Variants in COL26A1 observed in about 807,000 individuals in gnomAD.
COL26A1 encodes the protein collagen type XXVI alpha 1 chain.
Under a neutral mutation model 59.3 loss-of-function variants are expected in COL26A1, and 41 were observed. That is an observed-to-expected ratio of 0.69 (90% CI 0.54 to 0.90). COL26A1 has a LOEUF of 0.90. Ranked by LOEUF, COL26A1 falls within the 40% of genes least tolerant of loss-of-function variation. COL26A1 has a pLI of 0.00. For synonymous variants in COL26A1, 266 were observed against 256.0 expected (o/e 1.04, Z -0.37); for missense variants, 612 against 602.3 (o/e 1.02, Z -0.17).
At chr7:101,439,279 G>A (rs577580748) in intron 2 of COL26A1, among the ~76,000 whole-genome samples, 11 of 152,176 alleles carry the variant, frequency 7.2e-5, no homozygotes, top group Admixed American at 6.5e-4. Flanking sequence ...CAGATGTGGT[G>A]GGAGACCTTA....
At chr7:101,509,455 A>G (rs1479376959) in intron 3 of COL26A1, among the ~76,000 whole-genome samples, 2 of 152,074 alleles carry the variant, frequency 1.3e-5, no homozygotes, top group Non-Finnish European at 2.9e-5. Flanking sequence ...CAAAAAAAAG[A>G]AAAAAGAAAA....
At chr7:101,457,251 T>C (rs894665731) in intron 3 of COL26A1, among the ~76,000 whole-genome samples, 5 of 152,014 alleles carry the variant, frequency 3.3e-5, no homozygotes, top group African/African-American at 1.2e-4. Context: ...CATGCAAAAG[T>C]CTGAAAAATA....
At chr7:101,502,164 A>C (rs1794720113) in intron 3 of COL26A1, among the ~76,000 whole-genome samples, 1 of 152,230 alleles carries the variant, frequency 6.6e-6, no homozygotes, top group African/African-American at 2.4e-5. Flanking sequence ...CAACAGGACG[A>C]AACCTTGTCT....
At chr7:101,477,006 G>T (rs922010183) in intron 3 of COL26A1, among the ~76,000 whole-genome samples, 6 of 151,856 alleles carry the variant, frequency 4.0e-5, no homozygotes, top group South Asian at 4.2e-4. Context: ...ACCACGCCCG[G>T]CTAAGTTTTG....
chr7:101,383,727 G>T (rs1646652437), intron 1 of COL26A1, among the ~76,000 whole-genome samples: 1 of 152,142 alleles, frequency 6.6e-6, no homozygotes, highest in Non-Finnish European at 1.5e-5. Context: ...TAGAGACAGG[G>T]TTTCGCCATG....
intron 6 of COL26A1, among the ~76,000 whole-genome samples, 165 bp from the exon 7 acceptor site, chr7:101,545,173 C>A (rs1000440638): frequency 6.6e-6 from 1 of 152,202 alleles, no homozygotes; most frequent in African/African-American, 2.4e-5. Flanking sequence ...TTCATTTACA[C>A]CCCAGGACAC....
Position 101,557,743 on chromosome 7 carries a change from TC to T in COL26A1, c.*217del. The T allele has an allele frequency of 2.1e-6, 1 of 481,290 alleles. No individual in the cohort carries two copies. Among genetic ancestry groups the T allele is most frequent in the Non-Finnish European group, 3.6e-6 (1 of 275,804 alleles). 29.8% of individuals were successfully genotyped at this position (481,290 alleles called of 1,614,324 possible). The stretch of plus-strand genomic sequence containing the variant: ...CAGAGCCCTCCTCTGGCCTGTCCCC[TC>T]CCCTACCCCCACTCCCGGCTGGAGA... On this transcript the variant is annotated 3_prime_UTR_variant, in exon 13 of 13. Transcript: ENST00000313669.
At chr7:101,414,345 T>C (rs1792319523) in intron 1 of COL26A1, among the ~76,000 whole-genome samples, 1 of 151,908 alleles carries the variant, frequency 6.6e-6, no homozygotes, top group Admixed American at 6.6e-5. Context: ...CGGGCGGATC[T>C]CAGGATCCCA....
At chr7:101,389,051 A>G in intron 1 of COL26A1, 1 of 246,650 alleles carries the variant, frequency 4.1e-6, no homozygotes, top group Non-Finnish European at 8.0e-6. Flanking sequence ...CCTTGCCACC[A>G]GAATCAGCCT....
At chr7:101,384,142 T>G (rs1480369075) in intron 1 of COL26A1, among the ~76,000 whole-genome samples, 1 of 151,600 alleles carries the variant, frequency 6.6e-6, no homozygotes, top group Non-Finnish European at 1.5e-5. Flanking sequence ...GCCTTCTGAG[T>G]AGCTGAGACC....
chr7:101,489,794 CTT>C (rs761034728), intron 3 of COL26A1, among the ~76,000 whole-genome samples: 104 of 1,970 alleles, frequency 0.053, 20 homozygotes, highest in Non-Finnish European at 0.085. Context: ...TTCTTTCTTT[CTT>C]TCTTTCTTTC....
chr7:101,475,932 CTCTTTCTTTCT>C (rs1473073171), intron 3 of COL26A1, among the ~76,000 whole-genome samples: 1 of 146,558 alleles, frequency 6.8e-6, no homozygotes, highest in Admixed American at 6.9e-5. Flanking sequence ...CTTTCTCTCT[CTCTTTCTTTCT>C]TCTTTCTTTT....
At chr7:101,389,097 A>AT (rs1235012639) in intron 1 of COL26A1, 1 of 172,518 alleles carries the variant, frequency 5.8e-6, no homozygotes, top group Admixed American at 6.3e-5. Flanking sequence ...CCGTCTTAAC[A>AT]TTTTCACCCA....
rs1222634692 is a variant in COL26A1 at position 101,371,936 on chromosome 7, G to T, written c.158+8746G>T. ...GCTAGGGGAGTTAGGGTTTGTGGGA[G>T]CCTGGGAGTCTTTGTGCCTCAGTTT... On this transcript the variant is annotated intron_variant, in intron 1 of 12. Transcript: ENST00000313669. Among the ~76,000 whole-genome samples the T allele has an allele frequency of 4.6e-5, 7 of 152,322 alleles. No individual in the cohort carries two copies. In the East Asian group the frequency reaches 1.3e-3, roughly 29 times the overall value.
In COL26A1 at chr7:101,441,662, C is replaced by A. The variant is rs534860825; in HGVS notation, c.282-6022C>A. On this transcript the variant is annotated intron_variant, in intron 2 of 12. Coordinates refer to ENST00000313669, the MANE Select transcript of COL26A1 (RefSeq NM_001278563.3). Reference sequence around the variant, plus strand: ...GTTCTCATGACCATCTTCATCATTCCAAGTGTGGATTGAAGTGAGAGTGTC... The same window carrying A: ...GTTCTCATGACCATCTTCATCATTCAAAGTGTGGATTGAAGTGAGAGTGTC... 1.8e-4 allele frequency among the ~76,000 whole-genome samples: 28 copies of A among 152,242 alleles called. 1 individual carries two copies. The Middle Eastern group carries it at 0.014, about 74-fold the overall frequency.
intron 3 of COL26A1, among the ~76,000 whole-genome samples, chr7:101,499,875 G>T: frequency 1.1e-5 from 1 of 90,952 alleles, no homozygotes; most frequent in Non-Finnish European, 2.0e-5. Flanking sequence ...GGGAGTCCCT[G>T]CCTTAAAAAA....
chr7:101,403,922 C>T (rs572436011), intron 1 of COL26A1, among the ~76,000 whole-genome samples: 2 of 152,166 alleles, frequency 1.3e-5, no homozygotes, highest in East Asian at 1.9e-4. Flanking sequence ...ATGGTGAAAC[C>T]CTGTCTCTAC....
At position 101,540,029 on chromosome 7, in the gene COL26A1, G is replaced by T; in HGVS notation, c.584G>T (p.Arg195Ile). The T allele has an allele frequency of 6.2e-7, 1 of 1,613,178 alleles. No individual in the cohort carries two copies. ...CTTGCTCACCCTGTGCCACGACAGA[G>T]AAGGCCCACGGGCCCAGCCGGTGAG... ...IPLAHPVPRQ[R>I]RPTGPAGPPG... is the part of the protein sequence containing the mutation. Residue 195 changes from arginine (R) to isoleucine (I), a missense_variant, in exon 5 of 13, where the codon AGA becomes ATA. Physicochemically the swap from Arg to Ile is moderately conservative, Grantham distance 97. Transcript: ENST00000313669.
chr7:101,436,592 C>A (rs1176133261), intron 2 of COL26A1, among the ~76,000 whole-genome samples: 1 of 152,106 alleles, frequency 6.6e-6, no homozygotes, highest in Non-Finnish European at 1.5e-5. Flanking sequence ...CCCCCCGCAC[C>A]CGAGGCAGGA....
Sources: allele counts gnomAD v4.1 joint callset (sites outside exome capture counted in the v4.1 genomes callset), GRCh38; gene constraint gnomAD v4.1.1; transcripts MANE v1.5; gene names NCBI Gene and HGNC (gene_info 2026-07-23, HGNC 2026-07-21).